PNPT1: variants seen among roughly 807,000 people sequenced by gnomAD.
PNPT1 encodes the protein polyribonucleotide nucleotidyltransferase 1, mitochondrial.
Under a neutral mutation model 119.5 loss-of-function variants are expected in PNPT1, and 53 were observed. The ratio of observed to expected loss-of-function variants is 0.44; its 90% confidence interval spans 0.36 to 0.56. The LOEUF (loss-of-function observed/expected upper bound fraction) is 0.56. Ranked by LOEUF, PNPT1 falls within the 20% of genes least tolerant of loss-of-function variation. PNPT1 has a pLI of 0.00. For missense variants in PNPT1, 948 were observed against 938.5 expected, an observed-to-expected ratio of 1.01 and a Z score of -0.13; for synonymous variants, 357 against 322.1, an observed-to-expected ratio of 1.11 and a Z score of -1.16.
At chr2:55,671,959 G>A in intron 10 of PNPT1, 36 bp downstream of exon 10, 1 of 1,486,164 alleles carries the variant, frequency 6.7e-7, no homozygotes, top group Non-Finnish European at 9.2e-7. Flanking sequence ...TGTATTCCTA[G>A]GGCAATTATG....
intron 11 of PNPT1, 68 bp from the exon 12 acceptor site, chr2:55,668,026 C>A: frequency 7.4e-7 from 1 of 1,344,180 alleles, no homozygotes; most frequent in South Asian, 1.3e-5. Context: ...CTCTAAAGTT[C>A]ATAGCATAAT....
intron 15 of PNPT1, among the ~76,000 whole-genome samples, chr2:55,659,617 A>C (rs1696498748): frequency 6.6e-6 from 1 of 151,934 alleles, no homozygotes; most frequent in Admixed American, 6.6e-5. Flanking sequence ...AATACCACTT[A>C]TCTCTCTAAA....
chr2:55,660,795 G>C (rs538388768), intron 14 of PNPT1, among the ~76,000 whole-genome samples: 1 of 152,324 alleles, frequency 6.6e-6, no homozygotes, highest in Admixed American at 6.5e-5. Context: ...ACAGGTTATA[G>C]ACCTAAGACT....
chr2:55,683,063 T>C (rs1697297418), intron 5 of PNPT1, among the ~76,000 whole-genome samples: 1 of 152,190 alleles, frequency 6.6e-6, no homozygotes, highest in South Asian at 2.1e-4. Flanking sequence ...TCAGGAAGTA[T>C]TAAAATATAA....
chr2:55,657,414 G>A (rs1344237552), intron 15 of PNPT1, among the ~76,000 whole-genome samples: 1 of 150,390 alleles, frequency 6.6e-6, no homozygotes, highest in East Asian at 2.0e-4. Context: ...TTAAGACAGA[G>A]TTCTGCTCTT....
intron 4 of PNPT1, 21 bp downstream of exon 4, chr2:55,684,922 G>A (rs375319487): frequency 1.1e-5 from 16 of 1,499,038 alleles, no homozygotes; most frequent in African/African-American, 7.0e-5. Context: ...GAAGATGAAC[G>A]CCTCTATGTT....
rs1195657361 is a variant in PNPT1 at position 55,680,928 on chromosome 2, G to A, written c.454-10C>T. ...ACAGATTACACAGAACCTGGTAAAA[G>A]GGAAAAAATTTGATTTGGAAGGGTT... is the stretch of plus-strand genomic sequence containing the variant. On this transcript the variant is annotated splice_polypyrimidine_tract_variant and intron_variant, in intron 5 of 27. Transcript: ENST00000447944. The A allele has an allele frequency of 6.2e-6, 10 of 1,610,782 alleles. No individual in the cohort carries two copies. The highest frequency in any genetic ancestry group is 8.5e-6 in the Non-Finnish European group (10 of 1,178,664).
At chr2:55,679,133 A>C (rs1163836894) in intron 8 of PNPT1, among the ~76,000 whole-genome samples, 1 of 152,196 alleles carries the variant, frequency 6.6e-6, no homozygotes, top group Non-Finnish European at 1.5e-5. Context: ...ATTTTCGTTC[A>C]TGCAAGTATG....
chr2:55,651,147 T>G (rs1302646916), intron 18 of PNPT1, among the ~76,000 whole-genome samples: 2 of 148,216 alleles, frequency 1.3e-5, no homozygotes, highest in African/African-American at 2.5e-5. Context: ...CCGCCCCTAC[T>G]GGGAAGTGAG....
chr2:55,693,668 G>T lies in PNPT1; in HGVS notation c.156C>A (p.Gly52=). The T allele has an allele frequency of 6.2e-7, 1 of 1,614,200 alleles. No homozygotes were observed. The highest frequency in any genetic ancestry group is 8.5e-7 in the Non-Finnish European group (1 of 1,180,028). The change falls in exon 1 of 28, where the codon GGC becomes GGA. Residue 52 remains glycine, a synonymous_variant. Transcript: ENST00000447944. ...AGSRAVAVDL[G]NRKLEISSGK... ...GAACGCACGTCACTCCTTACCTGTT[G>T]CCTAAGTCCACGGCCACAGCTCGAG...
chr2:55,680,807 T>TA, intron 6 of PNPT1, 48 bp from the exon 7 acceptor site: 2 of 1,611,278 alleles, frequency 1.2e-6, no homozygotes, highest in Non-Finnish European at 1.7e-6. Context: ...TTCATTGCTT[T>TA]AAAAAAATTT....
chr2:55,668,940 C>T (rs564037235), intron 11 of PNPT1, among the ~76,000 whole-genome samples: 31 of 152,304 alleles, frequency 2.0e-4, no homozygotes, highest in Admixed American at 2.0e-3. Flanking sequence ...ACTCTTTTGC[C>T]TTTAATCTAA....
At chr2:55,642,317 A>T (rs1353583786) in intron 25 of PNPT1, among the ~76,000 whole-genome samples, 1 of 151,618 alleles carries the variant, frequency 6.6e-6, no homozygotes, top group East Asian at 2.0e-4. Flanking sequence ...TGGTTAAAGA[A>T]TTCAGTTGGC....
At chr2:55,680,425 T>TAAAA (rs35483599) in intron 7 of PNPT1, among the ~76,000 whole-genome samples, 9 of 132,232 alleles carry the variant, frequency 6.8e-5, no homozygotes, top group Non-Finnish European at 1.5e-4. Flanking sequence ...ATTTCCCAGT[T>TAAAA]AAAAAAAAAA....
chr2:55,682,945 G>C (rs1697292531), intron 5 of PNPT1, among the ~76,000 whole-genome samples: 1 of 152,088 alleles, frequency 6.6e-6, no homozygotes. Flanking sequence ...CTGAGGCTAA[G>C]GCTGTGATAT....
intron 27 of PNPT1, 46 bp downstream of exon 27, chr2:55,637,501 AGCTTC>A: frequency 2.0e-6 from 3 of 1,491,748 alleles, no homozygotes; most frequent in Non-Finnish European, 2.8e-6. Context: ...AAACAATGGA[AGCTTC>A]AAGAACAATT....
intron 18 of PNPT1, among the ~76,000 whole-genome samples, chr2:55,653,957 G>A (rs1031460280): frequency 1.3e-5 from 2 of 152,002 alleles, no homozygotes; most frequent in Non-Finnish European, 2.9e-5. Context: ...GGCACGAATT[G>A]GTTTTAAGAA....
intron 18 of PNPT1, among the ~76,000 whole-genome samples, chr2:55,648,380 A>G (rs1696070982): frequency 6.6e-6 from 1 of 152,212 alleles, no homozygotes; most frequent in Admixed American, 6.5e-5. Context: ...TTGCTGAGTC[A>G]AAAGGTATGT....
chr2:55,662,403 G>T (rs539761713), intron 13 of PNPT1, among the ~76,000 whole-genome samples: 1 of 152,240 alleles, frequency 6.6e-6, no homozygotes, highest in East Asian at 1.9e-4. Flanking sequence ...CAGGCCAGGC[G>T]TGGTGGCCCA....
Sources: allele counts gnomAD v4.1 joint callset (sites outside exome capture counted in the v4.1 genomes callset), GRCh38; gene constraint gnomAD v4.1.1; transcripts MANE v1.5; gene names NCBI Gene and HGNC (gene_info 2026-07-23, HGNC 2026-07-21).